ZNF365: variants seen among roughly 807,000 people sequenced by gnomAD.
The protein encoded by ZNF365 is protein ZNF365.
ZNF365 carries 22 observed loss-of-function variants against 35.0 expected under a neutral mutation model. The observed-to-expected ratio is 0.63, with a 90% CI of 0.45 to 0.90. The LOEUF is 0.90. ZNF365 is among the 40% of genes least tolerant of loss of function. The probability of loss-of-function intolerance (pLI) is 0.00; values close to 1 mark genes in which losing one functional copy is unlikely to be tolerated. For synonymous variants in ZNF365, 188 were observed against 196.2 expected, an observed-to-expected ratio of 0.96 and a Z score of 0.35; for missense variants, 448 against 500.3, an observed-to-expected ratio of 0.90 and a Z score of 1.00.
intron 3 of ZNF365, among the ~76,000 whole-genome samples, chr10:62,418,483 C>T (rs1840115179): frequency 6.6e-6 from 1 of 151,998 alleles, no homozygotes; most frequent in South Asian, 2.1e-4. Flanking sequence ...TGATGTGCAG[C>T]AACCAATCAG....
intron 4 of ZNF365, among the ~76,000 whole-genome samples, chr10:62,460,934 TGA>T (rs1336211386): frequency 6.6e-6 from 1 of 152,124 alleles, no homozygotes; most frequent in African/African-American, 2.4e-5. Flanking sequence ...TTGGAACCTG[TGA>T]GAGAAGGAGG....
chr10:62,438,899 G>C (rs760932039), intron 3 of ZNF365, among the ~76,000 whole-genome samples: 1 of 152,128 alleles, frequency 6.6e-6, no homozygotes, highest in Non-Finnish European at 1.5e-5. Context: ...AATTTGCCTG[G>C]TCTCTATTCC....
At chr10:62,419,150 C>G (rs776639356) in intron 3 of ZNF365, among the ~76,000 whole-genome samples, 17 of 152,048 alleles carry the variant, frequency 1.1e-4, no homozygotes, top group Non-Finnish European at 2.4e-4. Flanking sequence ...CAGTCTACTC[C>G]TGAAGATAGT....
chr10:62,414,939 GT>G (rs1305737620), intron 3 of ZNF365, among the ~76,000 whole-genome samples: 1 of 151,878 alleles, frequency 6.6e-6, no homozygotes, highest in African/African-American at 2.4e-5. Context: ...CATTCTTCTG[GT>G]TTATTAATCC....
chr10:62,457,031 A>C (rs1840772290), intron 3 of ZNF365, among the ~76,000 whole-genome samples: 1 of 152,144 alleles, frequency 6.6e-6, no homozygotes, highest in Admixed American at 6.5e-5. Flanking sequence ...TTGTATGGAC[A>C]GCTCTGCTGA....
intron 3 of ZNF365, among the ~76,000 whole-genome samples, chr10:62,458,175 T>A (rs965227326): frequency 2.0e-5 from 3 of 152,168 alleles, no homozygotes; most frequent in Non-Finnish European, 4.4e-5. Flanking sequence ...CATTCCTGAG[T>A]TCTGAATCTG....
chr10:62,383,658 G>A (rs954351249), intron 2 of ZNF365, among the ~76,000 whole-genome samples: 3 of 152,226 alleles, frequency 2.0e-5, no homozygotes, highest in Non-Finnish European at 4.4e-5. Flanking sequence ...GTGCGTGAAC[G>A]CATATTTCCA....
intron 3 of ZNF365, among the ~76,000 whole-genome samples, chr10:62,409,721 T>G (rs1198889582): frequency 6.6e-6 from 1 of 152,138 alleles, no homozygotes; most frequent in Non-Finnish European, 1.5e-5. Context: ...AGCCCTGATT[T>G]AAGGCCTCAC....
intron 2 of ZNF365, among the ~76,000 whole-genome samples, chr10:62,378,133 T>C (rs1048803306): frequency 2.0e-5 from 3 of 152,232 alleles, no homozygotes; most frequent in Non-Finnish European, 4.4e-5. Context: ...GGAAATAATC[T>C]CTAATGAAAA....
In ZNF365 at chr10:62,376,550, A is replaced by C; in HGVS notation, c.357A>C (p.Ala119=). The change falls in exon 2 of 5, where the codon GCA becomes GCC. Residue 119 remains alanine (A), a synonymous_variant. Coordinates refer to ENST00000395254, the MANE Select transcript of ZNF365 (RefSeq NM_014951.3). ...SKDRKPFEVV[A]ERPVSYVQTY... ...ACAGGAAGCCATTTGAGGTGGTGGC[A>C]GAGAGGCCTGTGTCCTATGTGCAGA... 2 of 1,613,954 alleles carry C rather than the reference A, an allele frequency of 1.2e-6. No homozygotes were observed. The highest frequency in any genetic ancestry group is 1.7e-6 in the Non-Finnish European group (2 of 1,180,000).
intron 4 of ZNF365, among the ~76,000 whole-genome samples, chr10:62,465,896 C>A (rs1220633340): frequency 6.6e-6 from 1 of 152,132 alleles, no homozygotes; most frequent in Non-Finnish European, 1.5e-5. Flanking sequence ...GCCCAGACCC[C>A]AGGGTTCCCT....
chr10:62,377,337 A>C (rs1344791616), intron 2 of ZNF365, among the ~76,000 whole-genome samples: 1 of 152,214 alleles, frequency 6.6e-6, no homozygotes, highest in African/African-American at 2.4e-5. Flanking sequence ...TTATAAAGTC[A>C]ATGCAAGATG....
intron 3 of ZNF365, among the ~76,000 whole-genome samples, chr10:62,451,112 A>C (rs1840677194): frequency 6.6e-6 from 1 of 152,176 alleles, no homozygotes; most frequent in African/African-American, 2.4e-5. Context: ...ATGGCTACAG[A>C]ATGAGGAAGG....
intron 3 of ZNF365, among the ~76,000 whole-genome samples, chr10:62,397,450 C>A (rs1159812773): frequency 6.6e-6 from 1 of 152,212 alleles, no homozygotes; most frequent in Non-Finnish European, 1.5e-5. Flanking sequence ...TTTGTCGTTT[C>A]TCTTCTTCTG....
At chr10:62,386,198 T>C (rs970170715) in intron 2 of ZNF365, among the ~76,000 whole-genome samples, 7 of 152,218 alleles carry the variant, frequency 4.6e-5, no homozygotes, top group African/African-American at 1.7e-4. Flanking sequence ...AGTTAAAGTT[T>C]GTGGCTCATG....
chr10:62,474,056 G>A (rs1046236839), intron 4 of ZNF365, among the ~76,000 whole-genome samples: 6 of 152,184 alleles, frequency 3.9e-5, no homozygotes, highest in Admixed American at 3.9e-4. Context: ...GTTAGAAAAG[G>A]GAGTATCCCC....
chr10:62,428,942 G>T (rs1840293479), intron 3 of ZNF365, among the ~76,000 whole-genome samples: 1 of 152,116 alleles, frequency 6.6e-6, no homozygotes, highest in Admixed American at 6.6e-5. Flanking sequence ...CTTACACTGT[G>T]GCCAATTTCA....
At chr10:62,395,212 C>T (rs1027884487) in intron 3 of ZNF365, among the ~76,000 whole-genome samples, 4 of 152,028 alleles carry the variant, frequency 2.6e-5, no homozygotes, top group Non-Finnish European at 2.9e-5. Context: ...CCACAGATAC[C>T]CTGGGCAGAT....
chr10:62,459,415 T>A (rs1040173315), intron 3 of ZNF365, among the ~76,000 whole-genome samples: 4 of 152,164 alleles, frequency 2.6e-5, no homozygotes, highest in Non-Finnish European at 5.9e-5. Context: ...GGGGAGACGA[T>A]GGAAAATTAC....
Sources: gnomAD v4.1 joint callset for allele counts (sites outside exome capture counted in the v4.1 genomes callset) on GRCh38, gnomAD v4.1.1 for gene constraint, MANE v1.5 for transcripts, NCBI Gene and HGNC (gene_info 2026-07-23, HGNC 2026-07-21) for gene names.